The following CDO1 variants were observed in gnomAD, a reference collection of about 807,000 sequenced individuals.
The protein encoded by CDO1 is cysteine dioxygenase, type I.
In CDO1, 19 loss-of-function variants were observed where a neutral mutation model predicts 24.5. That is an observed-to-expected ratio of 0.77 (90% CI 0.54 to 1.14). The LOEUF (loss-of-function observed/expected upper bound fraction) is 1.14, where lower values mean the gene tolerates loss of function less well. CDO1 is among the 50% of genes most tolerant of loss of function. CDO1 has a pLI of 0.00. For synonymous variants in CDO1, 91 were observed against 87.0 expected (o/e 1.05, Z -0.26); for missense variants, 244 against 244.8 (o/e 1.00, Z 0.02).
rs1486073368 is a variant in CDO1 at position 115,811,661 on chromosome 5, C to T, written c.249-346G>A. On this transcript the variant is annotated intron_variant, in intron 2 of 4. Transcript: ENST00000250535. ...ATACATATAACTCACTTAAACTGGGCTAGAATTTGATTATGAAAGTACATT... is the reference window on the plus strand; with the variant it reads ...ATACATATAACTCACTTAAACTGGGTTAGAATTTGATTATGAAAGTACATT... 2.0e-5 allele frequency among the ~76,000 whole-genome samples: 3 copies of T among 152,058 alleles called. No individual in the cohort carries two copies. In the East Asian group the frequency reaches 5.8e-4, roughly 29 times the overall value.
At chr5:115,808,728 C>A (rs1333048766) in intron 3 of CDO1, among the ~76,000 whole-genome samples, 1 of 144,830 alleles carries the variant, frequency 6.9e-6, no homozygotes, top group Non-Finnish European at 1.5e-5. Context: ...CACACAAAAA[C>A]AAAACAAAAC....
At chr5:115,816,112 A>C in intron 1 of CDO1, 116 bp downstream of exon 1, 19 of 678,374 alleles carry the variant, frequency 2.8e-5, no homozygotes, top group Non-Finnish European at 3.5e-5. Context: ...CGAGCGGCGG[A>C]CGCAGCGCGG....
Position 115,805,212 on chromosome 5 carries a change from A to G in CDO1, c.*221T>C. 2.1e-6 allele frequency: 1 copy of G among 481,972 alleles called. No homozygotes were observed. The highest frequency in any genetic ancestry group is 3.7e-6 in the Non-Finnish European group (1 of 273,022). The allele number at this position is 481,972 out of a possible 1,614,324, so 29.9% of individuals were successfully genotyped here. The stretch of plus-strand genomic sequence containing the variant: ...GAGAGCACTTGAAAACTTGCCTTTA[A>G]AAATCACAAGACTTTCTTTTCCTCA... On this transcript the variant is annotated 3_prime_UTR_variant, in exon 5 of 5. Transcript: ENST00000250535.
At position 115,805,171 on chromosome 5, in the gene CDO1, T is replaced by C; in HGVS notation, c.*262A>G. On this transcript the variant is annotated 3_prime_UTR_variant, in exon 5 of 5. Coordinates refer to ENST00000250535, the MANE Select transcript of CDO1 (RefSeq NM_001801.3). The stretch of plus-strand genomic sequence containing the variant: ...GCTCCTAGTATGGATTTAATGGAAT[T>C]AGAGGATAGAACTATGAGAGCACTT... 2 of 392,534 alleles carry C rather than the reference T, an allele frequency of 5.1e-6. No individual in the cohort carries two copies. Among genetic ancestry groups the C allele is most frequent in the Admixed American group, 4.3e-5 (1 of 23,354 alleles). The allele number at this position is 392,534 out of a possible 1,614,324, so 24.3% of individuals were successfully genotyped here.
At chr5:115,813,424 T>C (rs1471983568) in intron 1 of CDO1, among the ~76,000 whole-genome samples, 166 bp from the exon 2 acceptor site, 1 of 152,132 alleles carries the variant, frequency 6.6e-6, no homozygotes, top group Non-Finnish European at 1.5e-5. Context: ...AAATGAAAAA[T>C]CCTTTTTCAC....
chr5:115,814,843 C>T (rs569683935), intron 1 of CDO1, among the ~76,000 whole-genome samples: 1 of 152,264 alleles, frequency 6.6e-6, no homozygotes, highest in African/African-American at 2.4e-5. Context: ...CATTGCCTGC[C>T]ATTCCTCATA....
rs1439762842 is a variant in CDO1 at position 115,813,265 on chromosome 5, A to G, written c.171-7T>C. The G allele has an allele frequency of 2.0e-6, 3 of 1,493,530 alleles. No homozygotes were observed. In the African/African-American group the frequency reaches 4.1e-5, roughly 21 times the overall value. The allele number at this position is 1,493,530 out of a possible 1,614,324, so 92.5% of individuals were successfully genotyped here. A position where few individuals can be genotyped will look rare whatever the true frequency, so the allele number is the denominator to read the frequency against. The stretch of plus-strand genomic sequence containing the variant: ...CACAAGATTTCGGGTATACCTAAAA[A>G]AAAACAATATATTCAGAAGTTTTAA... On this transcript the variant is annotated splice_region_variant and splice_polypyrimidine_tract_variant and intron_variant, in intron 1 of 4. Coordinates refer to ENST00000250535, the MANE Select transcript of CDO1 (RefSeq NM_001801.3).
At chr5:115,807,308 T>G (rs1759989325) in intron 3 of CDO1, among the ~76,000 whole-genome samples, 1 of 152,214 alleles carries the variant, frequency 6.6e-6, no homozygotes, top group South Asian at 2.1e-4. Flanking sequence ...AGAAAAAGTC[T>G]CTGCCAGACT....
chr5:115,808,673 A>C (rs1760055702), intron 3 of CDO1, among the ~76,000 whole-genome samples: 1 of 152,154 alleles, frequency 6.6e-6, no homozygotes, highest in South Asian at 2.1e-4. Flanking sequence ...TGAAGCAGTC[A>C]AGAGGCCCTG....
At chr5:115,809,112 A>G (rs1760076286) in intron 3 of CDO1, among the ~76,000 whole-genome samples, 1 of 152,204 alleles carries the variant, frequency 6.6e-6, no homozygotes, top group Admixed American at 6.5e-5. Flanking sequence ...ACAGTTTTGA[A>G]CAAATGTTCA....
chr5:115,815,622 C>A (rs1760396043), intron 1 of CDO1, among the ~76,000 whole-genome samples: 1 of 152,208 alleles, frequency 6.6e-6, no homozygotes. Flanking sequence ...CGCTATTTTA[C>A]ATGAGTAAAA....
At chr5:115,807,196 A>C (rs1023614489) in intron 3 of CDO1, among the ~76,000 whole-genome samples, 1 of 152,234 alleles carries the variant, frequency 6.6e-6, no homozygotes, top group Non-Finnish European at 1.5e-5. Flanking sequence ...ATGCTGCCAG[A>C]CAAGATTTTT....
In CDO1 at chr5:115,809,451, T is replaced by C. The variant is rs1249672461; in HGVS notation, c.403+1710A>G. The stretch of plus-strand genomic sequence containing the variant: ...CATGCTGCCACCAAATCGATCAAGA[T>C]ATTCCCAATTATAACTCTGCTGACC... On this transcript the variant is annotated intron_variant, in intron 3 of 4. Transcript: ENST00000250535. 1.3e-4 allele frequency among the ~76,000 whole-genome samples: 20 copies of C among 152,134 alleles called. 1 individual carries two copies. Among genetic ancestry groups the C allele is most frequent in the Non-Finnish European group, 1.5e-5 (1 of 68,016 alleles).
intron 1 of CDO1, 150 bp downstream of exon 1, chr5:115,816,078 C>T: frequency 1.5e-6 from 1 of 651,434 alleles, no homozygotes; most frequent in East Asian, 3.3e-5. Flanking sequence ...GTCGTGCCAG[C>T]CCCGCGGCTG....
At chr5:115,815,432 C>T (rs1046979442) in intron 1 of CDO1, among the ~76,000 whole-genome samples, 7 of 151,940 alleles carry the variant, frequency 4.6e-5, no homozygotes, top group African/African-American at 1.5e-4. Context: ...CATTACAGAT[C>T]GTCAGAAGCA....
chr5:115,805,926 A>C (rs2112675917), intron 4 of CDO1, among the ~76,000 whole-genome samples: 1 of 152,210 alleles, frequency 6.6e-6, no homozygotes, highest in East Asian at 1.9e-4. Context: ...TGGCATAACA[A>C]CTCTAAGAAT....
At chr5:115,813,331 A>T in intron 1 of CDO1, 73 bp from the exon 2 acceptor site, 2 of 789,698 alleles carry the variant, frequency 2.5e-6, no homozygotes, top group Non-Finnish European at 4.5e-6. Context: ...TAAGTGTGTC[A>T]CCAAGTACCA....
In CDO1 at chr5:115,805,328, G is replaced by T; in HGVS notation, c.*105C>A. On this transcript the variant is annotated 3_prime_UTR_variant, in exon 5 of 5. Transcript: ENST00000250535. ...CTGCCTTACAGTAGATCTAAGTATT[G>T]GCTTATTTAAGTATATTACTGGATA... is the stretch of plus-strand genomic sequence containing the variant. 3.2e-6 allele frequency: 3 copies of T among 939,734 alleles called. No individual in the cohort carries two copies. The highest frequency in any genetic ancestry group is 5.0e-6 in the Non-Finnish European group (3 of 599,572). The allele number at this position is 939,734 out of a possible 1,614,324, so 58.2% of individuals were successfully genotyped here.
chr5:115,812,859 C>G (rs1284021598), intron 2 of CDO1, among the ~76,000 whole-genome samples: 1 of 151,766 alleles, frequency 6.6e-6, no homozygotes, highest in Non-Finnish European at 1.5e-5. Context: ...ACCAGCCTAA[C>G]CAACATGGTG....
Sources: allele counts gnomAD v4.1 joint callset (sites outside exome capture counted in the v4.1 genomes callset), GRCh38; gene constraint gnomAD v4.1.1; transcripts MANE v1.5; gene names NCBI Gene and HGNC (gene_info 2026-07-23, HGNC 2026-07-21).